The following ADCY9 variants were observed in gnomAD, a reference collection of about 807,000 sequenced individuals.
The protein encoded by ADCY9 is adenylate cyclase 9, also known as adenylate cyclase type 9.
In ADCY9, 50 loss-of-function variants were observed where a neutral mutation model predicts 101.5. The ratio of observed to expected loss-of-function variants is 0.49; its 90% confidence interval spans 0.39 to 0.62. The LOEUF is 0.62. ADCY9 is among the 20% of genes least tolerant of loss of function. The pLI, the probability that ADCY9 is intolerant of heterozygous loss-of-function variation, is 0.00. For missense variants in ADCY9, 1,662 were observed against 1,800.4 expected (o/e 0.92, Z 1.39); for synonymous variants, 905 against 769.3 (o/e 1.18, Z -2.92).
At chr16:4,002,057 C>T (rs1367593068) in intron 3 of ADCY9, among the ~76,000 whole-genome samples, 3 of 152,120 alleles carry the variant, frequency 2.0e-5, no homozygotes, top group South Asian at 4.2e-4. Context: ...GGAGACTACC[C>T]TTTAGTTTTA....
intron 2 of ADCY9, among the ~76,000 whole-genome samples, chr16:4,020,062 A>G (rs1469692392): frequency 7.2e-6 from 1 of 139,634 alleles, no homozygotes; most frequent in Non-Finnish European, 1.6e-5. Flanking sequence ...TGGGCAACAC[A>G]GCAGACTCCA....
At chr16:3,983,693 C>G (rs893822620) in intron 6 of ADCY9, 3 of 521,868 alleles carry the variant, frequency 5.7e-6, no homozygotes, top group Non-Finnish European at 6.9e-6. Context: ...CTTTGGGAGG[C>G]TGACGTAGGA....
intron 2 of ADCY9, among the ~76,000 whole-genome samples, chr16:4,113,083 A>G (rs1420690229): frequency 1.3e-5 from 2 of 152,118 alleles, no homozygotes; most frequent in Non-Finnish European, 2.9e-5. Flanking sequence ...GAGAAGCTCA[A>G]TATGAAGCTC....
Position 4,051,396 on chromosome 16 carries a change from C to T in ADCY9, c.1694-43838G>A, listed in dbSNP as rs963408461. ...AAAATTAGCCGGGCGTGGTGGCGGGCGCCTGTAGTCCCAGCTACTCGGGAG... is the reference window on the plus strand; with the variant it reads ...AAAATTAGCCGGGCGTGGTGGCGGGTGCCTGTAGTCCCAGCTACTCGGGAG... On this transcript the variant is annotated intron_variant, in intron 2 of 10. Transcript: ENST00000294016. Among the ~76,000 whole-genome samples the T allele has an allele frequency of 5.9e-5, 9 of 151,752 alleles. No individual in the cohort carries two copies. The South Asian group carries it at 1.7e-3, about 28-fold the overall frequency.
At chr16:4,082,378 A>G (rs1245911118) in intron 2 of ADCY9, among the ~76,000 whole-genome samples, 4 of 152,160 alleles carry the variant, frequency 2.6e-5, no homozygotes, top group African/African-American at 9.7e-5. Flanking sequence ...CCCTGTCTCA[A>G]AAGAAAAAAA....
chr16:4,005,238 T>C lies in ADCY9; in HGVS notation c.1884+2130A>G, dbSNP rs953361553. 5.3e-5 allele frequency among the ~76,000 whole-genome samples: 8 copies of C among 152,140 alleles called. No homozygotes were observed. The South Asian group carries it at 1.2e-3, about 24-fold the overall frequency. On this transcript the variant is annotated intron_variant, in intron 3 of 10. Coordinates refer to ENST00000294016, the MANE Select transcript of ADCY9 (RefSeq NM_001116.4). ...ACCACTGAGCACCCTCCTCCCTTTT[T>C]TTGGAGACAGGACAAGGTCTCACTC...
chr16:3,993,838 C>T (rs1300422143), intron 3 of ADCY9, among the ~76,000 whole-genome samples: 2 of 152,208 alleles, frequency 1.3e-5, no homozygotes, highest in African/African-American at 4.8e-5. Context: ...CCTGCCACAG[C>T]ATGGTGAACC....
chr16:4,013,654 T>C (rs2056418765), intron 2 of ADCY9, among the ~76,000 whole-genome samples: 1 of 152,182 alleles, frequency 6.6e-6, no homozygotes, highest in Non-Finnish European at 1.5e-5. Flanking sequence ...ATTGCATTCT[T>C]CCTCACGACT....
At chr16:4,057,678 C>T (rs1228318710) in intron 2 of ADCY9, among the ~76,000 whole-genome samples, 1 of 152,208 alleles carries the variant, frequency 6.6e-6, no homozygotes, top group East Asian at 1.9e-4. Context: ...CTGTCTGAAA[C>T]ATTACTCTGA....
At chr16:4,032,931 T>C (rs1567446226) in intron 2 of ADCY9, 1 of 152,240 alleles carries the variant, frequency 6.6e-6, no homozygotes, top group Non-Finnish European at 1.5e-5. Flanking sequence ...GAGGAAGCCG[T>C]CGGCCACACA....
chr16:4,113,827 A>C lies in ADCY9; in HGVS notation c.1616T>G (p.Leu539Ter). ...ATCTTCCATTTCGTACCGGTCATCT[A>C]AGTATTTTGCGGTGGCCTCAGAAAT... is the stretch of plus-strand genomic sequence containing the variant. ...VHISEATAKY[L>*]DDRYEMEDGK... Residue 539 changes from leucine to a stop codon, truncating the protein, a stop_gained, in exon 2 of 11, where the codon TTA becomes TGA. Coordinates refer to ENST00000294016, the MANE Select transcript of ADCY9 (RefSeq NM_001116.4). LOFTEE classifies it high-confidence loss of function. 1 of 1,614,116 alleles carries C rather than the reference A, an allele frequency of 6.2e-7. No homozygotes were observed. Among genetic ancestry groups the C allele is most frequent in the Non-Finnish European group, 8.5e-7 (1 of 1,180,002 alleles).
intron 2 of ADCY9, among the ~76,000 whole-genome samples, chr16:4,040,661 T>C (rs2056620718): frequency 6.6e-6 from 1 of 152,192 alleles, no homozygotes; most frequent in African/African-American, 2.4e-5. Flanking sequence ...TTCACCATGT[T>C]GGCCAGACTG....
intron 3 of ADCY9, among the ~76,000 whole-genome samples, chr16:3,998,460 C>T (rs944890034): frequency 1.3e-5 from 2 of 151,748 alleles, no homozygotes; most frequent in Non-Finnish European, 2.9e-5. Context: ...CCTGTAATCC[C>T]AGCACTTTGG....
At chr16:4,099,982 T>C (rs970729057) in intron 2 of ADCY9, among the ~76,000 whole-genome samples, 2 of 152,134 alleles carry the variant, frequency 1.3e-5, no homozygotes, top group African/African-American at 2.4e-5. Context: ...GGGAGGTTGA[T>C]ATAGTTTAGC....
At chr16:3,973,787 C>T (rs1461633865) in intron 10 of ADCY9, among the ~76,000 whole-genome samples, 14 of 152,096 alleles carry the variant, frequency 9.2e-5, no homozygotes, top group Admixed American at 6.6e-4. Flanking sequence ...GTCACCGAGC[C>T]CGGTCCTTTT....
chr16:4,079,971 A>T (rs2532013), intron 2 of ADCY9, among the ~76,000 whole-genome samples: 134,262 of 152,168 alleles, frequency 0.88, 59,357 homozygotes, highest in South Asian at 0.97. Context: ...GCCATCTGCC[A>T]AAACAGAGAG....
intron 2 of ADCY9, among the ~76,000 whole-genome samples, chr16:4,102,065 G>A (rs982804809): frequency 1.3e-5 from 2 of 152,198 alleles, no homozygotes; most frequent in African/African-American, 4.8e-5. Flanking sequence ...GACACAAGAT[G>A]TGCGCCAGAT....
chr16:4,080,503 C>T (rs2056894995), intron 2 of ADCY9, among the ~76,000 whole-genome samples: 1 of 152,134 alleles, frequency 6.6e-6, no homozygotes, highest in Non-Finnish European at 1.5e-5. Context: ...GAGTGATCCT[C>T]CCGCCTCAAC....
chr16:4,030,189 T>A (rs1026584798), intron 2 of ADCY9, among the ~76,000 whole-genome samples: 1 of 152,110 alleles, frequency 6.6e-6, no homozygotes, highest in African/African-American at 2.4e-5. Context: ...TGCATGCAAG[T>A]GTGCACCAGG....
Sources: gnomAD v4.1 joint callset for allele counts (sites outside exome capture counted in the v4.1 genomes callset) on GRCh38, gnomAD v4.1.1 for gene constraint, MANE v1.5 for transcripts, NCBI Gene and HGNC (gene_info 2026-07-23, HGNC 2026-07-21) for gene names.